Variants in ZBTB20 observed in about 807,000 individuals in gnomAD.
ZBTB20 encodes zinc finger and BTB domain containing 20.
ZBTB20 carries 9 observed loss-of-function variants against 56.9 expected under a neutral mutation model. That is an observed-to-expected ratio of 0.16 (90% CI 0.10 to 0.28). The LOEUF is 0.28. Among genes scored for constraint, ZBTB20 ranks in the 10% least tolerant of loss-of-function variants. The pLI is 1.00. For synonymous variants in ZBTB20, 417 were observed against 420.7 expected (o/e 0.99, Z 0.11); for missense variants, 655 against 1,003.0 (o/e 0.65, Z 4.69).
intron 6 of ZBTB20, among the ~76,000 whole-genome samples, chr3:114,505,772 GGAT>G (rs1442835088): frequency 6.6e-6 from 1 of 152,092 alleles, no homozygotes; most frequent in Non-Finnish European, 1.5e-5. Flanking sequence ...TGTTTTCAAA[GGAT>G]GAGGCACTAT....
chr3:114,538,006 T>G (rs1202934413), intron 6 of ZBTB20, among the ~76,000 whole-genome samples: 3 of 151,948 alleles, frequency 2.0e-5, no homozygotes, highest in Non-Finnish European at 4.4e-5. Context: ...AGGGGAGGGA[T>G]AGCATTAGGA....
rs559864175 is a variant in ZBTB20 at position 114,771,065 on chromosome 3, T to C, written c.-343+30036A>G. ...TACTTTGCAATTATGAGTCAGCCCA[T>C]ATATGACTTCTGTTACGCAATTGCA... is the stretch of plus-strand genomic sequence containing the variant. On this transcript the variant is annotated intron_variant, in intron 5 of 11. Coordinates refer to ENST00000675478, the MANE Select transcript of ZBTB20 (RefSeq NM_001348800.3). Among the ~76,000 whole-genome samples the C allele has an allele frequency of 1.1e-4, 16 of 152,328 alleles. No individual in the cohort carries two copies. In the South Asian group the frequency reaches 3.1e-3, roughly 30 times the overall value.
intron 3 of ZBTB20, among the ~76,000 whole-genome samples, chr3:114,925,811 C>A (rs541092297): frequency 6.6e-5 from 10 of 152,294 alleles, no homozygotes; most frequent in Admixed American, 2.0e-4. Context: ...CAGGTGTGAG[C>A]CACTGTGCCT....
intron 10 of ZBTB20, among the ~76,000 whole-genome samples, chr3:114,375,204 A>G (rs1164420691): frequency 2.0e-5 from 3 of 152,222 alleles, no homozygotes; most frequent in Non-Finnish European, 2.9e-5. Context: ...TAAGCTATAC[A>G]TCCTTTCAGT....
At chr3:114,572,427 A>G (rs964934094) in intron 6 of ZBTB20, among the ~76,000 whole-genome samples, 2 of 152,340 alleles carry the variant, frequency 1.3e-5, no homozygotes, top group East Asian at 3.9e-4. Flanking sequence ...AGTTCGTTCA[A>G]CAATTATGCA....
chr3:114,354,967 C>T (rs2081082777), intron 10 of ZBTB20, among the ~76,000 whole-genome samples: 2 of 152,154 alleles, frequency 1.3e-5, no homozygotes, highest in African/African-American at 4.8e-5. Context: ...AAGTTTTGCA[C>T]AGTAGCACAT....
intron 8 of ZBTB20, among the ~76,000 whole-genome samples, chr3:114,382,478 A>C (rs1229264929): frequency 6.6e-6 from 1 of 152,186 alleles, no homozygotes. Flanking sequence ...TGGGCTCTAC[A>C]TCTTTGCTCA....
chr3:114,593,110 A>G (rs976279174), intron 6 of ZBTB20, among the ~76,000 whole-genome samples: 1 of 152,180 alleles, frequency 6.6e-6, no homozygotes, highest in Admixed American at 6.5e-5. Context: ...TATTTTTCCA[A>G]AAGGAACAAC....
intron 4 of ZBTB20, among the ~76,000 whole-genome samples, chr3:114,891,462 A>G (rs1443763346): frequency 6.6e-6 from 1 of 152,202 alleles, no homozygotes; most frequent in Non-Finnish European, 1.5e-5. Context: ...ATGCCTTGAA[A>G]CATAGGCATT....
At position 114,351,780 on chromosome 3, in the gene ZBTB20, G is replaced by T; in HGVS notation, c.298C>A (p.Arg100Ser). 6.2e-7 allele frequency: 1 copy of T among 1,611,442 alleles called. No individual in the cohort carries two copies. The highest frequency in any genetic ancestry group is 8.5e-7 in the Non-Finnish European group (1 of 1,177,710). Residue 100 changes from arginine (R) to serine (S), a missense_variant, in exon 11 of 12, where the codon CGT (arginine) becomes AGT (serine). This residue lies in a region of ZBTB20 where 57 missense variants were observed against 99.1 expected (regional missense o/e 0.58). Coordinates refer to ENST00000675478, the MANE Select transcript of ZBTB20 (RefSeq NM_001348800.3). ...ACCGTTACGTCACAGAAGTGGCCAC[G>T]GTTGCGCTGCTCGTTGAGGGTCTCG... ...VLETLNEQRN[R>S]GHFCDVTVRI...
chr3:114,493,289 G>A (rs1016321417), intron 7 of ZBTB20, among the ~76,000 whole-genome samples: 1 of 152,134 alleles, frequency 6.6e-6, no homozygotes, highest in South Asian at 2.1e-4. Flanking sequence ...GAAAATGTGG[G>A]TTGTTTCCAG....
intron 1 of ZBTB20, among the ~76,000 whole-genome samples, chr3:115,102,358 C>T (rs1036807500): frequency 6.6e-6 from 1 of 152,020 alleles, no homozygotes; most frequent in African/African-American, 2.4e-5. Context: ...CACTATTTGG[C>T]CTGGCAGCTC....
At chr3:114,934,951 G>A (rs1243765817) in intron 3 of ZBTB20, among the ~76,000 whole-genome samples, 1 of 152,126 alleles carries the variant, frequency 6.6e-6, no homozygotes, top group Non-Finnish European at 1.5e-5. Flanking sequence ...TAATATGTTT[G>A]TAGAATGTAA....
chr3:114,479,673 T>C (rs2041304110), intron 7 of ZBTB20, among the ~76,000 whole-genome samples: 1 of 152,236 alleles, frequency 6.6e-6, no homozygotes, highest in African/African-American at 2.4e-5. Context: ...GTGTTTCTAA[T>C]TCTATACTAT....
At chr3:114,688,240 C>CA (rs2062469498) in intron 6 of ZBTB20, 1 of 152,032 alleles carries the variant, frequency 6.6e-6, no homozygotes. Context: ...AAAACAACAA[C>CA]AAAACAACAA....
rs555755181 is a variant in ZBTB20 at position 114,331,773 on chromosome 3, G to A, written c.*7232C>T. The stretch of plus-strand genomic sequence containing the variant: ...CAACTAAGGCAACAAAGCATAAGCA[G>A]ATACGTGAGATATGTCAGACCTTCG... On this transcript the variant is annotated 3_prime_UTR_variant, in exon 12 of 12. Coordinates refer to ENST00000675478, the MANE Select transcript of ZBTB20 (RefSeq NM_001348800.3). 6.6e-6 allele frequency: 1 copy of A among 152,280 alleles called. No individual in the cohort carries two copies. The highest frequency in any genetic ancestry group is 2.1e-4 in the South Asian group (1 of 4,824). The allele number at this position is 152,280 out of a possible 1,614,324, so 9.4% of individuals were successfully genotyped here.
rs71146320 is a variant in ZBTB20 at position 114,434,558 on chromosome 3, T to TTGTGTGTGTGTGTGTGTG, written c.-254-45471_-254-45454dup. Among the ~76,000 whole-genome samples the TTGTGTGTGTGTGTGTGTG allele has an allele frequency of 4.9e-3, 715 of 146,028 alleles. 5 individuals carry two copies. The highest frequency in any genetic ancestry group is 0.017 in the South Asian group (76 of 4,442). On this transcript the variant is annotated intron_variant, in intron 7 of 11. Coordinates refer to ENST00000675478, the MANE Select transcript of ZBTB20 (RefSeq NM_001348800.3). ...GCAATTGGGGTGTGTGTGTGTGTGT[T>TTGTGTGTGTGTGTGTGTG]TGTGTGTGTGTGTGTGTGTATCTTT... is the stretch of plus-strand genomic sequence containing the variant.
At chr3:114,986,613 A>T (rs1159165659) in intron 2 of ZBTB20, among the ~76,000 whole-genome samples, 1 of 152,112 alleles carries the variant, frequency 6.6e-6, no homozygotes, top group Non-Finnish European at 1.5e-5. Context: ...TTCTCCCTCA[A>T]AATCTTTTAG....
At chr3:114,623,667 C>T (rs1188956350) in intron 6 of ZBTB20, among the ~76,000 whole-genome samples, 1 of 152,138 alleles carries the variant, frequency 6.6e-6, no homozygotes. Context: ...CTTAGCTAGG[C>T]ATGTAAGTAC....
Sources: allele counts gnomAD v4.1 joint callset (sites outside exome capture counted in the v4.1 genomes callset), GRCh38; gene constraint gnomAD v4.1.1; regional missense constraint gnomAD v4.1.1; transcripts MANE v1.5; gene names NCBI Gene and HGNC (gene_info 2026-07-23, HGNC 2026-07-21).